The following CABCOCO1 variants were observed in gnomAD, a reference collection of about 807,000 sequenced individuals.
CABCOCO1 encodes ciliary-associated calcium-binding coiled-coil protein 1.
In CABCOCO1, 28 loss-of-function variants were observed where a neutral mutation model predicts 35.7. That is an observed-to-expected ratio of 0.78 (90% confidence interval 0.58 to 1.07). CABCOCO1 has a LOEUF of 1.07. CABCOCO1 is among the 50% of genes least tolerant of loss of function. The pLI is 0.00. For missense variants in CABCOCO1, 326 were observed against 309.2 expected, an observed-to-expected ratio of 1.05 and a Z score of -0.41; for synonymous variants, 95 against 100.1, an observed-to-expected ratio of 0.95 and a Z score of 0.30.
chr10:61,686,146 T>C lies in CABCOCO1; in HGVS notation c.440T>C (p.Val147Ala), dbSNP rs778961824. ...QKSEDWNIFD[V>A]KQANAIIDYL... is the part of the protein sequence containing the mutation. The stretch of plus-strand genomic sequence containing the variant: ...AGTGAGGACTGGAATATCTTTGATG[T>C]AAAACAAGCCAATGCTATCATTGAT... Residue 147 changes from valine to alanine, a missense_variant, in exon 4 of 8, where the codon GTA becomes GCA. Physicochemically the swap from Val to Ala is moderately conservative, Grantham distance 64. Coordinates refer to ENST00000648843, the MANE Select transcript of CABCOCO1 (RefSeq NM_001366906.2). 5 of 1,595,218 alleles carry C rather than the reference T, an allele frequency of 3.1e-6. No individual in the cohort carries two copies. The highest frequency in any genetic ancestry group is 1.8e-5 in the Admixed American group (1 of 54,234).
At chr10:61,729,807 T>C (rs1230405642) in intron 5 of CABCOCO1, among the ~76,000 whole-genome samples, 1 of 152,192 alleles carries the variant, frequency 6.6e-6, no homozygotes, top group Non-Finnish European at 1.5e-5. Flanking sequence ...TTGTGCAATA[T>C]GGACAGCATG....
chr10:61,704,861 A>T (rs1235992982), intron 5 of CABCOCO1, among the ~76,000 whole-genome samples: 1 of 140,852 alleles, frequency 7.1e-6, no homozygotes, highest in Non-Finnish European at 1.5e-5. Flanking sequence ...TGCACAACCC[A>T]CTCTAGCCTC....
At chr10:61,746,679 A>G (rs889706453) in intron 5 of CABCOCO1, among the ~76,000 whole-genome samples, 1 of 152,182 alleles carries the variant, frequency 6.6e-6, no homozygotes, top group Non-Finnish European at 1.5e-5. Flanking sequence ...TTCTGCACCT[A>G]GAATGGTGTG....
In CABCOCO1 at chr10:61,690,628, A is replaced by G; in HGVS notation, c.552+7A>G. 1.3e-6 allele frequency: 2 copies of G among 1,564,622 alleles called. No individual in the cohort carries two copies. Among genetic ancestry groups the G allele is most frequent in the Non-Finnish European group, 1.8e-6 (2 of 1,137,340 alleles). On this transcript the variant is annotated splice_region_variant and intron_variant, in intron 5 of 7. Transcript: ENST00000648843. ...AATTGTGATAGGAACTGAGGTAAGT[A>G]ATTTATCTAGATGGAACAAGTTAAG...
At chr10:61,741,872 T>C (rs776939212) in intron 5 of CABCOCO1, among the ~76,000 whole-genome samples, 4 of 152,222 alleles carry the variant, frequency 2.6e-5, no homozygotes, top group Non-Finnish European at 5.9e-5. Context: ...TTATTCTGTA[T>C]ACCCACATTT....
chr10:61,742,593 G>T (rs185600733), intron 5 of CABCOCO1, among the ~76,000 whole-genome samples: 5 of 152,134 alleles, frequency 3.3e-5, no homozygotes, highest in Non-Finnish European at 5.9e-5. Context: ...AGAGCTTCTT[G>T]TTCCTCGTCT....
At chr10:61,691,511 T>C (rs1211981930) in intron 5 of CABCOCO1, among the ~76,000 whole-genome samples, 7 of 152,188 alleles carry the variant, frequency 4.6e-5, no homozygotes, top group African/African-American at 1.4e-4. Flanking sequence ...TTTTTTATTA[T>C]ACTTTAAGTT....
intron 1 of CABCOCO1, among the ~76,000 whole-genome samples, chr10:61,667,707 A>G (rs1839234340): frequency 6.6e-6 from 1 of 151,890 alleles, no homozygotes; most frequent in Non-Finnish European, 1.5e-5. Context: ...TGGCTTTTAC[A>G]TATTTATGTT....
chr10:61,720,980 G>A (rs1393200512), intron 5 of CABCOCO1, among the ~76,000 whole-genome samples: 1 of 130,744 alleles, frequency 7.6e-6, no homozygotes, highest in South Asian at 2.6e-4. Flanking sequence ...GCTGGAGTGC[G>A]GTGGCGCGAT....
rs993771527 is a variant in CABCOCO1, at chr10:61,695,791, T to C, written c.552+5170T>C. Among the ~76,000 whole-genome samples the C allele has an allele frequency of 2.0e-5, 3 of 151,866 alleles. No individual in the cohort carries two copies. The East Asian group carries it at 5.8e-4, about 29-fold the overall frequency. On this transcript the variant is annotated intron_variant, in intron 5 of 7. Coordinates refer to ENST00000648843, the MANE Select transcript of CABCOCO1 (RefSeq NM_001366906.2). ...TCCGAGAAAAAAACCCTTTCTGTGA[T>C]AAAATAAGAAAAAGGCAAAGAAGGC...
intron 5 of CABCOCO1, among the ~76,000 whole-genome samples, chr10:61,746,887 C>T (rs1841674292): frequency 6.6e-6 from 1 of 152,078 alleles, no homozygotes; most frequent in Admixed American, 6.6e-5. Flanking sequence ...TAAATTAGCA[C>T]AGCAGTTGTT....
intron 2 of CABCOCO1, among the ~76,000 whole-genome samples, chr10:61,680,741 T>C (rs975299927): frequency 1.0e-5 from 1 of 96,614 alleles, no homozygotes; most frequent in Non-Finnish European, 2.4e-5. Flanking sequence ...ATATAATATA[T>C]ATATCTCAGA....
chr10:61,706,704 TC>T (rs766297041), intron 5 of CABCOCO1, among the ~76,000 whole-genome samples: 4 of 152,104 alleles, frequency 2.6e-5, no homozygotes, highest in Non-Finnish European at 5.9e-5. Context: ...CTCCTTTGCT[TC>T]CTGGTCTTCT....
intron 5 of CABCOCO1, among the ~76,000 whole-genome samples, chr10:61,755,369 G>T (rs1043691164): frequency 1.3e-5 from 2 of 152,006 alleles, no homozygotes; most frequent in Non-Finnish European, 2.9e-5. Flanking sequence ...CTTCAAGGGG[G>T]GGAAAATAGT....
chr10:61,694,124 T>A (rs1418754497), intron 5 of CABCOCO1, among the ~76,000 whole-genome samples: 1 of 151,416 alleles, frequency 6.6e-6, no homozygotes, highest in Non-Finnish European at 1.5e-5. Context: ...GTTAATGAAT[T>A]TGAGATGGAG....
In CABCOCO1 at chr10:61,665,901, A is replaced by AT. The variant is rs1251107317; in HGVS notation, c.60+2869_60+2870insT. ...GACTCCGTCTCAAAAAAAAAAAAAA[A>AT]ATATCTAGGGAATTGAATCATAAGT... On this transcript the variant is annotated intron_variant, in intron 1 of 7. Coordinates refer to ENST00000648843, the MANE Select transcript of CABCOCO1 (RefSeq NM_001366906.2). Among the ~76,000 whole-genome samples, 140 of 148,262 alleles carry AT rather than the reference A, an allele frequency of 9.4e-4. 1 individual carries two copies. The highest frequency in any genetic ancestry group is 3.3e-3 in the African/African-American group (134 of 41,228).
chr10:61,702,878 T>C (rs1191823710), intron 5 of CABCOCO1, among the ~76,000 whole-genome samples: 1 of 149,986 alleles, frequency 6.7e-6, no homozygotes, highest in Non-Finnish European at 1.5e-5. Context: ...ATTATGCAGC[T>C]GCATCAGCAC....
At chr10:61,736,907 T>G (rs1055876975) in intron 5 of CABCOCO1, among the ~76,000 whole-genome samples, 1 of 152,130 alleles carries the variant, frequency 6.6e-6, no homozygotes, top group African/African-American at 2.4e-5. Flanking sequence ...TTGTGGCTGT[T>G]GTGAATGGGA....
intron 5 of CABCOCO1, among the ~76,000 whole-genome samples, chr10:61,708,173 C>T (rs1323794029): frequency 8.0e-5 from 12 of 150,818 alleles, no homozygotes; most frequent in Non-Finnish European, 1.6e-4. Flanking sequence ...TCATGCCCAG[C>T]ACATAGACAG....
Sources: gnomAD v4.1 joint callset for allele counts (sites outside exome capture counted in the v4.1 genomes callset) on GRCh38, gnomAD v4.1.1 for gene constraint, MANE v1.5 for transcripts, NCBI Gene and HGNC (gene_info 2026-07-23, HGNC 2026-07-21) for gene names.